The following RYR2 variants were observed in gnomAD, a reference collection of about 807,000 sequenced individuals.
RYR2 encodes cardiac muscle ryanodine receptor-calcium release channel.
Under a neutral mutation model 601.1 loss-of-function variants are expected in RYR2, and 227 were observed. That is an observed-to-expected ratio of 0.38 (90% CI 0.34 to 0.42). The LOEUF (loss-of-function observed/expected upper bound fraction) is 0.42, where lower values mean the gene tolerates loss of function less well. Ranked by LOEUF, RYR2 falls within the 10% of genes least tolerant of loss-of-function variation. The pLI is 1.00. For synonymous variants in RYR2, 2,223 were observed against 2,175.1 expected, an observed-to-expected ratio of 1.02 and a Z score of -0.61; for missense variants, 4,646 against 6,156.5, an observed-to-expected ratio of 0.75 and a Z score of 8.21.
intron 60 of RYR2, among the ~76,000 whole-genome samples, chr1:237,675,836 A>T (rs2069160): frequency 0.028 from 4,237 of 152,204 alleles, 190 homozygotes; most frequent in African/African-American, 0.094. Flanking sequence ...TCTTTCTCAT[A>T]AACAATTGAC....
At chr1:237,114,951 T>C (rs550717329) in intron 1 of RYR2, among the ~76,000 whole-genome samples, 2 of 152,264 alleles carry the variant, frequency 1.3e-5, no homozygotes, top group South Asian at 2.1e-4. Context: ...ACTCGTTTGT[T>C]GTAAAGATTA....
intron 10 of RYR2, among the ~76,000 whole-genome samples, chr1:237,416,021 A>T (rs2150023375): frequency 6.6e-6 from 1 of 152,354 alleles, no homozygotes; most frequent in East Asian, 1.9e-4. Context: ...AATGAGAAGG[A>T]TTATCTAAAC....
intron 1 of RYR2, among the ~76,000 whole-genome samples, chr1:237,188,963 A>G (rs1476077095): frequency 1.3e-5 from 2 of 152,232 alleles, no homozygotes; most frequent in Non-Finnish European, 2.9e-5. Context: ...AACCGTATCC[A>G]CATTGCTATG....
intron 11 of RYR2, among the ~76,000 whole-genome samples, chr1:237,422,120 A>C (rs1705660280): frequency 6.6e-6 from 1 of 152,212 alleles, no homozygotes; most frequent in Non-Finnish European, 1.5e-5. Context: ...ATCACTCTGC[A>C]CCTTAGCATG....
rs551875139 is a variant in RYR2 at position 237,413,666 on chromosome 1, T to TGTTC, written c.774-3382_774-3379dup. Among the ~76,000 whole-genome samples the TGTTC allele has an allele frequency of 9.2e-5, 14 of 152,246 alleles. 1 individual carries two copies. In the South Asian group the frequency reaches 2.7e-3, roughly 29 times the overall value. On this transcript the variant is annotated intron_variant, in intron 10 of 104. Coordinates refer to ENST00000366574, the MANE Select transcript of RYR2 (RefSeq NM_001035.3). Reference sequence around the variant, plus strand: ...CTTTCTCCATGCTCATACAGATATATGTTCACATATGTACATATATGATAG... The same window carrying TGTTC: ...CTTTCTCCATGCTCATACAGATATATGTTCGTTCACATATGTACATATATGATAG...
At chr1:237,291,290 A>G (rs947697634) in intron 2 of RYR2, among the ~76,000 whole-genome samples, 2 of 152,040 alleles carry the variant, frequency 1.3e-5, no homozygotes, top group African/African-American at 2.4e-5. Flanking sequence ...ACAACAACCA[A>G]TGCTGGTGGG....
intron 1 of RYR2, among the ~76,000 whole-genome samples, chr1:237,072,318 A>G (rs535933437): frequency 6.6e-6 from 1 of 152,326 alleles, no homozygotes; most frequent in South Asian, 2.1e-4. Context: ...CGGCCTGTGC[A>G]GCTTTTGAGA....
intron 19 of RYR2, among the ~76,000 whole-genome samples, chr1:237,495,074 C>T (rs1046617766): frequency 2.6e-5 from 4 of 152,152 alleles, no homozygotes; most frequent in African/African-American, 4.8e-5. Context: ...CAGGTGTGAG[C>T]CACTGCACCC....
At chr1:237,702,305 A>C (rs1558250283) in intron 66 of RYR2, among the ~76,000 whole-genome samples, 1 of 152,216 alleles carries the variant, frequency 6.6e-6, no homozygotes, top group Non-Finnish European at 1.5e-5. Flanking sequence ...ATGAAGTTTC[A>C]GCTGAGTGTT....
At chr1:237,341,171 A>T (rs555850743) in intron 3 of RYR2, among the ~76,000 whole-genome samples, 15 of 152,196 alleles carry the variant, frequency 9.9e-5, no homozygotes, top group Non-Finnish European at 2.2e-4. Context: ...GTCTCATTCA[A>T]TTTGGACATC....
chr1:237,307,644 T>C (rs1694008234), intron 2 of RYR2, among the ~76,000 whole-genome samples: 1 of 152,214 alleles, frequency 6.6e-6, no homozygotes, highest in South Asian at 2.1e-4. Context: ...TCTGTGAAAC[T>C]TCAGGGCTCC....
At chr1:237,589,479 G>A (rs1391085472) in intron 29 of RYR2, among the ~76,000 whole-genome samples, 1 of 152,154 alleles carries the variant, frequency 6.6e-6, no homozygotes, top group Non-Finnish European at 1.5e-5. Flanking sequence ...AGACTGCAGG[G>A]CGGGGATCTC....
At chr1:237,576,955 C>G (rs1673283836) in intron 29 of RYR2, among the ~76,000 whole-genome samples, 1 of 152,120 alleles carries the variant, frequency 6.6e-6, no homozygotes, top group Admixed American at 6.5e-5. Context: ...AAAGACCTGA[C>G]AATACTCAGC....
chr1:237,781,937 T>G (rs73103908), intron 89 of RYR2, among the ~76,000 whole-genome samples: 3 of 152,204 alleles, frequency 2.0e-5, no homozygotes, highest in African/African-American at 7.2e-5. Flanking sequence ...TAAAGAATAT[T>G]TTATTTGTTA....
At chr1:237,642,522 A>C (rs1212054104) in intron 47 of RYR2, among the ~76,000 whole-genome samples, 1 of 152,234 alleles carries the variant, frequency 6.6e-6, no homozygotes, top group African/African-American at 2.4e-5. Context: ...AATAAATAGA[A>C]GTTTTCATTC....
chr1:237,648,189 C>G (rs1558137195), intron 48 of RYR2, among the ~76,000 whole-genome samples: 1 of 152,208 alleles, frequency 6.6e-6, no homozygotes, highest in Non-Finnish European at 1.5e-5. Context: ...TCCTAAGTAT[C>G]TAACAATGCC....
intron 64 of RYR2, 119 bp downstream of exon 64, chr1:237,699,144 TTAGTG>T (rs1407943165): frequency 1.9e-6 from 1 of 529,786 alleles, no homozygotes; most frequent in African/African-American, 2.0e-5. Flanking sequence ...AATAAAGTCT[TTAGTG>T]TAGGTGAAAA....
intron 1 of RYR2, among the ~76,000 whole-genome samples, chr1:237,227,978 AT>A (rs35641300): frequency 0.28 from 40,928 of 145,320 alleles, 6,869 homozygotes; most frequent in Admixed American, 0.38. Context: ...TTTTTTTTTT[AT>A]TTTTGATTTC....
At chr1:237,596,348 A>G (rs779444039) in intron 34 of RYR2, among the ~76,000 whole-genome samples, 1 of 152,218 alleles carries the variant, frequency 6.6e-6, no homozygotes, top group Admixed American at 6.5e-5. Context: ...GAAGAAATAC[A>G]TATAGTAGAA....
Sources: gnomAD v4.1 joint callset for allele counts (sites outside exome capture counted in the v4.1 genomes callset) on GRCh38, gnomAD v4.1.1 for gene constraint, MANE v1.5 for transcripts, NCBI Gene and HGNC (gene_info 2026-07-23, HGNC 2026-07-21) for gene names.